The following HPCAL1 variants were observed in gnomAD, a reference collection of about 807,000 sequenced individuals.
HPCAL1 encodes the protein hippocalcin like 1, also known as hippocalcin-like protein 1.
In HPCAL1, 8 loss-of-function variants were observed where a neutral mutation model predicts 17.1. That is an observed-to-expected ratio of 0.47 (90% CI 0.27 to 0.84). The LOEUF (loss-of-function observed/expected upper bound fraction) is 0.84. Among genes scored for constraint, HPCAL1 ranks in the 40% least tolerant of loss-of-function variants. The pLI is 0.13. For synonymous variants in HPCAL1, 112 were observed against 111.4 expected (o/e 1.01, Z -0.03); for missense variants, 165 against 271.1 (o/e 0.61, Z 2.75).
In HPCAL1 at chr2:10,424,651, G is replaced by A. The variant is rs1421869198; in HGVS notation, c.484+1563G>A. The A allele has an allele frequency of 6.4e-6, 3 of 470,640 alleles. No homozygotes were observed. In the Admixed American group the frequency reaches 7.0e-5, roughly 11 times the overall value. 29.2% of individuals were successfully genotyped at this position (470,640 alleles called of 1,614,324 possible). A position where few individuals can be genotyped will look rare whatever the true frequency, so the allele number is the denominator to read the frequency against. Reference sequence around the variant, plus strand: ...TTTGGATGGCATGGTCGTTGCTAATGTGCCTGCTGGGATGGAGCACTTCCT... The same window carrying A: ...TTTGGATGGCATGGTCGTTGCTAATATGCCTGCTGGGATGGAGCACTTCCT... On this transcript the variant is annotated intron_variant, in intron 4 of 4. Coordinates refer to ENST00000307845, the MANE Select transcript of HPCAL1 (RefSeq NM_002149.4).
chr2:10,427,114 A>G lies in HPCAL1; in HGVS notation c.*293A>G, dbSNP rs1353740998. The G allele has an allele frequency of 7.4e-6, 3 of 408,048 alleles. No individual in the cohort carries two copies. The highest frequency in any genetic ancestry group is 1.4e-5 in the Non-Finnish European group (3 of 219,140). 25.3% of individuals were successfully genotyped at this position (408,048 alleles called of 1,614,324 possible). On this transcript the variant is annotated 3_prime_UTR_variant, in exon 5 of 5. Coordinates refer to ENST00000307845, the MANE Select transcript of HPCAL1 (RefSeq NM_002149.4). The stretch of plus-strand genomic sequence containing the variant: ...ACCTCCCGGCTCACGGGGAGCTCAG[A>G]GGTCCATGCCGAGGAGACCAGGCAG...
intron 2 of HPCAL1, among the ~76,000 whole-genome samples, chr2:10,399,814 C>T (rs1669478702): frequency 6.6e-6 from 1 of 152,178 alleles, no homozygotes; most frequent in South Asian, 2.1e-4. Flanking sequence ...CCCTACCAGC[C>T]TCCCTCTCCA....
At chr2:10,413,978 G>A (rs1004321241) in intron 2 of HPCAL1, among the ~76,000 whole-genome samples, 5 of 152,364 alleles carry the variant, frequency 3.3e-5, no homozygotes, top group East Asian at 1.9e-4. Context: ...TCACCATGTC[G>A]CCCTTGCCTG....
intron 1 of HPCAL1, among the ~76,000 whole-genome samples, chr2:10,386,437 GA>G (rs1422815179): frequency 6.6e-6 from 1 of 152,148 alleles, no homozygotes; most frequent in Non-Finnish European, 1.5e-5. Context: ...CATGTTTATT[GA>G]GAGTCCCCCT....
At chr2:10,400,957 G>T (rs1232178390) in intron 2 of HPCAL1, among the ~76,000 whole-genome samples, 2 of 152,230 alleles carry the variant, frequency 1.3e-5, no homozygotes, top group African/African-American at 4.8e-5. Context: ...TCTGTGTGAA[G>T]GGCTGCATCC....
intron 1 of HPCAL1, among the ~76,000 whole-genome samples, chr2:10,373,524 G>A (rs1272036007): frequency 6.6e-6 from 1 of 152,222 alleles, no homozygotes; most frequent in African/African-American, 2.4e-5. Context: ...TGGGTGCTCA[G>A]CGGATCTCAG....
At chr2:10,324,393 C>T (rs1663858245) in intron 1 of HPCAL1, 1 of 152,318 alleles carries the variant, frequency 6.6e-6, no homozygotes. Flanking sequence ...GGCCAGGAGA[C>T]CTGGTGAGCA....
intron 2 of HPCAL1, among the ~76,000 whole-genome samples, chr2:10,415,441 G>A (rs976747599): frequency 2.6e-5 from 4 of 152,096 alleles, no homozygotes; most frequent in African/African-American, 9.7e-5. Flanking sequence ...CACTTGCCAT[G>A]TTCTATCAGT....
intron 1 of HPCAL1, among the ~76,000 whole-genome samples, chr2:10,340,475 C>A (rs1665007525): frequency 1.3e-5 from 2 of 150,554 alleles, no homozygotes; most frequent in South Asian, 4.1e-4. Flanking sequence ...CTCAGAATAT[C>A]CCTCAGATAG....
chr2:10,404,982 C>T (rs1162395396), intron 2 of HPCAL1, among the ~76,000 whole-genome samples: 2 of 152,226 alleles, frequency 1.3e-5, no homozygotes, highest in African/African-American at 4.8e-5. Context: ...AGATGGCCGC[C>T]TTTCTTGTAA....
At chr2:10,368,963 G>A (rs1667038527) in intron 1 of HPCAL1, 1 of 152,216 alleles carries the variant, frequency 6.6e-6, no homozygotes, top group African/African-American at 2.4e-5. Flanking sequence ...GGGACCGCAG[G>A]AGAATGCTGT....
intron 3 of HPCAL1, among the ~76,000 whole-genome samples, chr2:10,422,070 A>G (rs888520717): frequency 6.6e-6 from 1 of 152,132 alleles, no homozygotes; most frequent in African/African-American, 2.4e-5. Context: ...CAGAACATCA[A>G]GGCACTGGTA....
chr2:10,314,391 T>A (rs1438214475), intron 1 of HPCAL1, among the ~76,000 whole-genome samples: 1 of 152,122 alleles, frequency 6.6e-6, no homozygotes, highest in Non-Finnish European at 1.5e-5. Context: ...ACCTTTCCTG[T>A]TAACTTCCTA....
At chr2:10,425,746 A>G (rs13417910) in intron 4 of HPCAL1, 45,982 of 152,080 alleles carry the variant, frequency 0.3, 7,461 homozygotes, top group East Asian at 0.62. Context: ...CTGCACAGAC[A>G]TTTTGCAGGG....
At chr2:10,399,791 G>A (rs1197954125) in intron 2 of HPCAL1, among the ~76,000 whole-genome samples, 2 of 152,116 alleles carry the variant, frequency 1.3e-5, no homozygotes, top group African/African-American at 4.8e-5. Context: ...ACTAAGGCTC[G>A]AGTCCCAGCC....
rs1664413851 is a variant in HPCAL1 at position 10,331,979 on chromosome 2, C to T, written c.-111+28802C>T. 6.6e-6 allele frequency among the ~76,000 whole-genome samples: 1 copy of T among 151,520 alleles called. No individual in the cohort carries two copies. The highest frequency in any genetic ancestry group is 1.5e-5 in the Non-Finnish European group (1 of 67,818). On this transcript the variant is annotated intron_variant, in intron 1 of 4. Transcript: ENST00000307845. This position sits in a 1 kb window ranked among gnomAD's most constrained non-coding sequence, Gnocchi z 5.0. ...GCTTCACAGGGAGCACTCCTTGTCA[C>T]CTATTGTCATTTATGAGCCCCGTGT...
intron 2 of HPCAL1, among the ~76,000 whole-genome samples, chr2:10,414,216 T>G (rs1558530173): frequency 6.6e-6 from 1 of 152,256 alleles, no homozygotes; most frequent in Non-Finnish European, 1.5e-5. Context: ...CTGGCATCAC[T>G]CCTGCCCCAG....
At chr2:10,306,929 C>T (rs1212348043) in intron 1 of HPCAL1, among the ~76,000 whole-genome samples, 1 of 152,218 alleles carries the variant, frequency 6.6e-6, no homozygotes, top group African/African-American at 2.4e-5. Flanking sequence ...CCTCTGCCAG[C>T]AGCAGGGCAG....
At chr2:10,336,863 G>A (rs1664754299) in intron 1 of HPCAL1, among the ~76,000 whole-genome samples, 1 of 152,188 alleles carries the variant, frequency 6.6e-6, no homozygotes, top group Admixed American at 6.5e-5. Flanking sequence ...TCCTGCCTCA[G>A]CTTCCCAAGT....
Sources: gnomAD v4.1 joint callset for allele counts (sites outside exome capture counted in the v4.1 genomes callset) on GRCh38, gnomAD v4.1.1 for gene constraint, Gnocchi (gnomAD v3.1) non-coding constraint, MANE v1.5 for transcripts, NCBI Gene and HGNC (gene_info 2026-07-23, HGNC 2026-07-21) for gene names.